Variants in GPR153 observed in about 807,000 individuals in gnomAD.
GPR153 encodes G protein-coupled receptor 153.
GPR153 carries 27 observed loss-of-function variants against 34.1 expected under a neutral mutation model. That is an observed-to-expected ratio of 0.79 (90% CI 0.58 to 1.09). GPR153 has a LOEUF of 1.09. Ranked by LOEUF, GPR153 falls within the 50% of genes least tolerant of loss-of-function variation. The probability of loss-of-function intolerance (pLI) is 0.00; values close to 1 mark genes in which losing one functional copy is unlikely to be tolerated. For missense variants in GPR153, 848 were observed against 860.2 expected (o/e 0.99, Z 0.18); for synonymous variants, 408 against 405.4 (o/e 1.01, Z -0.08).
At chr1:6,250,695 A>T (rs1225967658) in intron 4 of GPR153, 71 bp from the exon 5 acceptor site, 1 of 680,690 alleles carries the variant, frequency 1.5e-6, no homozygotes, top group Admixed American at 2.6e-5. Context: ...CTGGGAGGGA[A>T]TCCCAGGGAT....
Position 6,251,356 on chromosome 1 carries a change from C to T in GPR153, c.961G>A (p.Asp321Asn), listed in dbSNP as rs150528621. The change falls in exon 4 of 6, where the codon GAC (aspartate) becomes AAC (asparagine). Residue 321 changes from aspartate to asparagine, a missense_variant. Coordinates refer to ENST00000377893, the MANE Select transcript of GPR153 (RefSeq NM_207370.4). This position sits in a 1 kb window ranked among gnomAD's most constrained non-coding sequence, Gnocchi z 4.9. The part of the protein sequence containing the change: ...REKCMALMAN[D>N]EESDDETSLE... ...TCCTCACCATCGTCTGACTCCTCGTCGTTGGCCATGAGGGCCATGCACTTC... is the reference window on the plus strand; with the variant it reads ...TCCTCACCATCGTCTGACTCCTCGTTGTTGGCCATGAGGGCCATGCACTTC... 6 of 1,608,540 alleles carry T rather than the reference C, an allele frequency of 3.7e-6. No homozygotes were observed. Among genetic ancestry groups the T allele is most frequent in the South Asian group, 1.1e-5 (1 of 90,528 alleles).
At chr1:6,253,669 C>T in intron 3 of GPR153, 49 bp downstream of exon 3, 1 of 1,481,708 alleles carries the variant, frequency 6.7e-7, no homozygotes. Flanking sequence ...TATGAGCAGC[C>T]CCAGGGCTGT....
At chr1:6,252,991 A>T (rs1638482641) in intron 3 of GPR153, among the ~76,000 whole-genome samples, 1 of 152,060 alleles carries the variant, frequency 6.6e-6, no homozygotes, top group Non-Finnish European at 1.5e-5. Context: ...CTGTCTCCTG[A>T]TCCTGCGCCC....
intron 1 of GPR153, among the ~76,000 whole-genome samples, chr1:6,256,095 A>G (rs1175046917): frequency 6.6e-6 from 1 of 151,842 alleles, no homozygotes; most frequent in Non-Finnish European, 1.5e-5. Flanking sequence ...GTGCCTGGCC[A>G]TGAAACATTT....
chr1:6,251,410 A>T lies in GPR153; in HGVS notation c.907T>A (p.Tyr303Asn). The change falls in exon 4 of 6, where the codon TAC becomes AAC. Residue 303 changes from tyrosine (Y) to asparagine (N), a missense_variant. Transcript: ENST00000377893. The surrounding 1 kb of genome is among the most constrained non-coding windows in gnomAD (Gnocchi z 4.9). ...CGGACAGCTTTGAGGTCAGCCCGGT[A>T]GCGGTCGCAGGCCCAGAGGAACACA... ...LPVFLWACDR[Y>N]RADLKAVREK... is the part of the protein sequence containing the mutation. 6.2e-7 allele frequency: 1 copy of T among 1,613,604 alleles called. No individual in the cohort carries two copies. The highest frequency in any genetic ancestry group is 8.5e-7 in the Non-Finnish European group (1 of 1,179,954).
chr1:6,257,570 C>A (rs764557231), intron 1 of GPR153, among the ~76,000 whole-genome samples: 2 of 152,234 alleles, frequency 1.3e-5, no homozygotes, highest in Non-Finnish European at 2.9e-5. Flanking sequence ...TAGCCCTGGG[C>A]CCAGGTCTGG....
intron 1 of GPR153, among the ~76,000 whole-genome samples, chr1:6,260,499 G>C (rs1260146930): frequency 6.6e-6 from 1 of 151,360 alleles, no homozygotes; most frequent in Non-Finnish European, 1.5e-5. Context: ...GAAACCTGGC[G>C]GGACTGCGGC....
Position 6,249,482 on chromosome 1 carries a change from G to A in GPR153, c.1686C>T (p.Arg562=), listed in dbSNP as rs779448114. 2.9e-5 allele frequency: 38 copies of A among 1,293,858 alleles called. No homozygotes were observed. The South Asian group carries it at 8.0e-4, about 27-fold the overall frequency. 80.1% of individuals were successfully genotyped at this position (1,293,858 alleles called of 1,614,324 possible). ...CGCCCCACGACGCGCTCAGGCCGGG[G>A]CGCAGAGAGCCGGCGTGCGAGTGCG... is the stretch of plus-strand genomic sequence containing the variant. The part of the protein sequence containing the change: ...PSAHSHAGSL[R]PGLSASWGEP... The change falls in exon 6 of 6, where the codon CGC becomes CGT. Residue 562 remains arginine (R), a synonymous_variant. Coordinates refer to ENST00000377893, the MANE Select transcript of GPR153 (RefSeq NM_207370.4). This position sits in a 1 kb window ranked among gnomAD's most constrained non-coding sequence, Gnocchi z 4.3.
intron 1 of GPR153, among the ~76,000 whole-genome samples, chr1:6,259,871 C>G (rs992324646): frequency 6.6e-6 from 1 of 152,158 alleles, no homozygotes; most frequent in South Asian, 2.1e-4. Context: ...CTGGGCTCCC[C>G]ACAGTGCCGA....
chr1:6,255,120 C>T (rs1638537689), intron 1 of GPR153, 106 bp from the exon 2 acceptor site: 1 of 443,224 alleles, frequency 2.3e-6, no homozygotes, highest in Non-Finnish European at 3.9e-6. Flanking sequence ...CTTTGAATGT[C>T]CCCTGCAAAA....
Position 6,254,125 on chromosome 1 carries a change from C to T in GPR153, c.379G>A (p.Ala127Thr). 1 of 1,610,030 alleles carries T rather than the reference C, an allele frequency of 6.2e-7. No individual in the cohort carries two copies. Among genetic ancestry groups the T allele is most frequent in the South Asian group, 1.1e-5 (1 of 91,008 alleles). ...CAGATACCCATGACTGTGTGCACCG[C>T]CTGCTTCTTGGCATTGCTCAGCCTG... is the stretch of plus-strand genomic sequence containing the variant. ...NYRLSNAKKQ[A>T]VHTVMGIWMV... The change falls in exon 3 of 6, where the codon GCG becomes ACG. Residue 127 changes from alanine (A) to threonine (T), a missense_variant. Ala to Thr is a moderately conservative substitution (Grantham distance 58). Coordinates refer to ENST00000377893, the MANE Select transcript of GPR153 (RefSeq NM_207370.4).
chr1:6,258,380 C>T (rs1283823845), intron 1 of GPR153, among the ~76,000 whole-genome samples: 4 of 152,210 alleles, frequency 2.6e-5, no homozygotes, highest in African/African-American at 7.2e-5. Flanking sequence ...CCACCCGCTT[C>T]GGCCTCCCGA....
intron 4 of GPR153, 117 bp from the exon 5 acceptor site, chr1:6,250,741 G>A (rs1638430710): frequency 1.6e-6 from 1 of 613,126 alleles, no homozygotes; most frequent in Admixed American, 2.9e-5. Context: ...ATACAAGGTA[G>A]GGGGCTGGTT....
intron 5 of GPR153, 120 bp from the exon 6 acceptor site, chr1:6,250,123 T>A: frequency 2.3e-6 from 3 of 1,314,134 alleles, no homozygotes; most frequent in Non-Finnish European, 2.9e-6. Context: ...GCTGGGGCAG[T>A]CTGGCTGGGA....
At chr1:6,256,596 C>G (rs1462872528) in intron 1 of GPR153, among the ~76,000 whole-genome samples, 2 of 152,098 alleles carry the variant, frequency 1.3e-5, no homozygotes, top group African/African-American at 4.8e-5. Context: ...TCCTAAACTC[C>G]TGACCTCAAG....
Position 6,254,068 on chromosome 1 carries a change from C to T in GPR153, c.436G>A (p.Ala146Thr). The T allele has an allele frequency of 6.2e-7, 1 of 1,613,574 alleles. No homozygotes were observed. Among genetic ancestry groups the T allele is most frequent in the Non-Finnish European group, 8.5e-7 (1 of 1,180,006 alleles). ...TCGCTGGTGTCGTGCCAGCCAACGG[C>T]AGGCAGGGCCGACAGGATGAAGGAC... ...MVSFILSALP[A>T]VGWHDTSERF... The change falls in exon 3 of 6, where the codon GCC (alanine) becomes ACC (threonine). Residue 146 changes from alanine to threonine, a missense_variant. By Grantham distance (58) the Ala-to-Thr change is moderately conservative (BLOSUM62 0). Transcript: ENST00000377893.
At position 6,248,664 on chromosome 1, in the gene GPR153, C is replaced by A; in HGVS notation, c.*674G>T. ...GGACCTCCACAAAGGCCGCAGAGGG[C>A]TCTAGACTACCTCTCACACCTGGGC... On this transcript the variant is annotated 3_prime_UTR_variant, in exon 6 of 6. Transcript: ENST00000377893. 6.6e-6 allele frequency: 1 copy of A among 152,434 alleles called. No individual in the cohort carries two copies. The allele number at this position is 152,434 out of a possible 1,614,324, so 9.4% of individuals were successfully genotyped here. A position where few individuals can be genotyped will look rare whatever the true frequency, so the allele number is the denominator to read the frequency against.
Position 6,250,494 on chromosome 1 carries a change from C to T in GPR153, c.1110G>A (p.Leu370=). ...KYEISALEGG[L]PQLYPLRPLQ... ...AGGGCCGCAGTGGGTAGAGCTGGGG[C>T]AGGCCCCCCTCCAGGGCGGAGATCT... The change falls in exon 5 of 6, where the codon CTG becomes CTA. Residue 370 remains leucine, a synonymous_variant. Coordinates refer to ENST00000377893, the MANE Select transcript of GPR153 (RefSeq NM_207370.4). The T allele has an allele frequency of 6.2e-7, 1 of 1,610,532 alleles. No homozygotes were observed. Among genetic ancestry groups the T allele is most frequent in the South Asian group, 1.1e-5 (1 of 90,066 alleles).
At chr1:6,255,641 C>CGTTTTTT (rs1638550647) in intron 1 of GPR153, among the ~76,000 whole-genome samples, 4 of 35,166 alleles carry the variant, frequency 1.1e-4, no homozygotes, top group African/African-American at 4.2e-4. Context: ...TGCCTGGCTA[C>CGTTTTTT]GTTTTTTTTT....
Sources: gnomAD v4.1 joint callset for allele counts (sites outside exome capture counted in the v4.1 genomes callset) on GRCh38, gnomAD v4.1.1 for gene constraint, Gnocchi (gnomAD v3.1) non-coding constraint, MANE v1.5 for transcripts, NCBI Gene and HGNC (gene_info 2026-07-23, HGNC 2026-07-21) for gene names.